Variants in IMMP2L observed in about 807,000 individuals in gnomAD.
IMMP2L encodes the protein mitochondrial inner membrane protease subunit 2.
IMMP2L carries 18 observed loss-of-function variants against 19.3 expected under a neutral mutation model. That is an observed-to-expected ratio of 0.93 (90% CI 0.64 to 1.38). The LOEUF (loss-of-function observed/expected upper bound fraction) is 1.38, where lower values mean the gene tolerates loss of function less well. Among genes scored for constraint, IMMP2L ranks in the 40% most tolerant of loss-of-function variants. The probability of loss-of-function intolerance (pLI) is 0.00; values close to 1 mark genes in which losing one functional copy is unlikely to be tolerated. For synonymous variants in IMMP2L, 76 were observed against 73.0 expected (o/e 1.04, Z -0.21); for missense variants, 233 against 218.2 (o/e 1.07, Z -0.43).
intron 3 of IMMP2L, among the ~76,000 whole-genome samples, chr7:111,220,074 G>A (rs899978366): frequency 3.9e-5 from 6 of 151,926 alleles, no homozygotes; most frequent in African/African-American, 1.2e-4. Flanking sequence ...CTAGGTTAGT[G>A]CAAAAGTAAT....
At chr7:110,882,600 C>T (rs1466474391) in intron 5 of IMMP2L, among the ~76,000 whole-genome samples, 1 of 151,912 alleles carries the variant, frequency 6.6e-6, no homozygotes, top group East Asian at 1.9e-4. Context: ...AGGCTGGTCT[C>T]GAACTCCTGA....
chr7:110,928,604 A>G (rs1815129789), intron 4 of IMMP2L, among the ~76,000 whole-genome samples: 1 of 152,126 alleles, frequency 6.6e-6, no homozygotes, highest in Admixed American at 6.6e-5. Flanking sequence ...AAATGCATCC[A>G]GAAACAGACA....
chr7:110,668,511 T>C (rs1791612375), intron 5 of IMMP2L, among the ~76,000 whole-genome samples: 1 of 152,252 alleles, frequency 6.6e-6, no homozygotes, highest in South Asian at 2.1e-4. Flanking sequence ...GCCAGTCTTC[T>C]AACTTGGCTG....
intron 1 of IMMP2L, among the ~76,000 whole-genome samples, chr7:111,550,869 G>A (rs187415163): frequency 1.3e-5 from 2 of 152,206 alleles, no homozygotes; most frequent in African/African-American, 4.8e-5. Flanking sequence ...AGGTACAAAT[G>A]AGATGGAGAA....
chr7:111,209,758 C>T (rs932075191), intron 3 of IMMP2L, among the ~76,000 whole-genome samples: 3 of 152,176 alleles, frequency 2.0e-5, no homozygotes, highest in African/African-American at 7.2e-5. Context: ...TTCTTTGTTA[C>T]TCTTTATTAC....
chr7:111,084,656 G>A (rs1332856944), intron 3 of IMMP2L, among the ~76,000 whole-genome samples: 3 of 152,258 alleles, frequency 2.0e-5, no homozygotes, highest in South Asian at 4.1e-4. Context: ...ACAATGACAA[G>A]AGACAGAATG....
At chr7:111,561,588 G>C (rs141174579) in intron 1 of IMMP2L, among the ~76,000 whole-genome samples, 2 of 152,202 alleles carry the variant, frequency 1.3e-5, no homozygotes, top group East Asian at 3.9e-4. Flanking sequence ...CAGGTAAAGG[G>C]GAAGTGCAGT....
At chr7:111,303,846 G>GA (rs1212401304) in intron 3 of IMMP2L, among the ~76,000 whole-genome samples, 1 of 151,234 alleles carries the variant, frequency 6.6e-6, no homozygotes, top group Non-Finnish European at 1.5e-5. Context: ...TGCAATAAAA[G>GA]AAAAAAAGGT....
chr7:111,350,847 A>C (rs993462019), intron 3 of IMMP2L, among the ~76,000 whole-genome samples: 33 of 152,240 alleles, frequency 2.2e-4, no homozygotes, highest in African/African-American at 6.7e-4. Flanking sequence ...TAATTTCCTT[A>C]CAAAGTTTCC....
At chr7:111,483,768 A>C (rs1330434981) in intron 3 of IMMP2L, 2 of 152,184 alleles carry the variant, frequency 1.3e-5, no homozygotes, top group African/African-American at 4.8e-5. Context: ...TAAGTGGAGA[A>C]AAGATTTCAG....
chr7:110,886,527 C>G (rs754457069), intron 5 of IMMP2L, 66 bp downstream of exon 5: 1 of 862,256 alleles, frequency 1.2e-6, no homozygotes, highest in African/African-American at 1.7e-5. Flanking sequence ...AATAACCTAT[C>G]TGACATAGTT....
intron 5 of IMMP2L, among the ~76,000 whole-genome samples, chr7:110,735,864 A>AAAAC: frequency 6.7e-6 from 1 of 148,700 alleles, no homozygotes; most frequent in Non-Finnish European, 1.5e-5. Flanking sequence ...AAAAAAAAAA[A>AAAAC]AAAAAAGGAA....
At chr7:111,489,833 C>T (rs1842947075) in intron 2 of IMMP2L, among the ~76,000 whole-genome samples, 1 of 152,044 alleles carries the variant, frequency 6.6e-6, no homozygotes, top group African/African-American at 2.4e-5. Flanking sequence ...ACAAAAAATT[C>T]AACAGGATTA....
chr7:111,284,672 G>C (rs530030855), intron 3 of IMMP2L, among the ~76,000 whole-genome samples: 1 of 152,158 alleles, frequency 6.6e-6, no homozygotes, highest in Non-Finnish European at 1.5e-5. Flanking sequence ...AAGAAAGGTT[G>C]CAGGCACTGA....
At chr7:111,150,990 TC>T (rs1046361761) in intron 3 of IMMP2L, among the ~76,000 whole-genome samples, 10 of 152,212 alleles carry the variant, frequency 6.6e-5, no homozygotes, top group Admixed American at 2.0e-4. Flanking sequence ...AGAGAACTGC[TC>T]TGTCTGCCTG....
At chr7:111,446,268 A>C (rs1330724396) in intron 3 of IMMP2L, among the ~76,000 whole-genome samples, 16 of 151,466 alleles carry the variant, frequency 1.1e-4, no homozygotes, top group African/African-American at 3.9e-4. Flanking sequence ...ACAGACAAAC[A>C]AAAAGACAGC....
At chr7:111,452,615 A>G (rs763921859) in intron 3 of IMMP2L, among the ~76,000 whole-genome samples, 2 of 152,180 alleles carry the variant, frequency 1.3e-5, no homozygotes, top group African/African-American at 2.4e-5. Flanking sequence ...TTTTATTACA[A>G]TCTTGAAAAA....
chr7:111,328,323 T>G (rs1038410815), intron 3 of IMMP2L, among the ~76,000 whole-genome samples: 2 of 151,810 alleles, frequency 1.3e-5, no homozygotes, highest in Non-Finnish European at 2.9e-5. Context: ...ACTGCAATTA[T>G]GACATATTAC....
chr7:111,152,408 T>C (rs901687970), intron 3 of IMMP2L, among the ~76,000 whole-genome samples: 1 of 152,126 alleles, frequency 6.6e-6, no homozygotes, highest in Non-Finnish European at 1.5e-5. Flanking sequence ...CTTTTCCCAC[T>C]GAATCCTGAA....
Sources: allele counts gnomAD v4.1 joint callset (sites outside exome capture counted in the v4.1 genomes callset), GRCh38; gene constraint gnomAD v4.1.1; transcripts MANE v1.5; gene names NCBI Gene and HGNC (gene_info 2026-07-23, HGNC 2026-07-21).